The following AGPS variants were observed in gnomAD, a reference collection of about 807,000 sequenced individuals.
The protein encoded by AGPS is alkyldihydroxyacetonephosphate synthase, peroxisomal.
Under a neutral mutation model 90.7 loss-of-function variants are expected in AGPS, and 26 were observed. The observed-to-expected ratio is 0.29, with a 90% CI of 0.21 to 0.40. The LOEUF is 0.40. Ranked by LOEUF, AGPS falls within the 10% of genes least tolerant of loss-of-function variation. The pLI is 1.00. For missense variants in AGPS, 540 were observed against 816.1 expected (o/e 0.66, Z 4.12); for synonymous variants, 294 against 285.3 (o/e 1.03, Z -0.31).
At chr2:177,460,804 CTAAA>C (rs1409713680) in intron 8 of AGPS, among the ~76,000 whole-genome samples, 1 of 152,106 alleles carries the variant, frequency 6.6e-6, no homozygotes, top group Non-Finnish European at 1.5e-5. Context: ...TCTCTTAAAA[CTAAA>C]TAATATATTG....
At chr2:177,527,650 C>T (rs193201458) in intron 19 of AGPS, among the ~76,000 whole-genome samples, 11 of 152,144 alleles carry the variant, frequency 7.2e-5, no homozygotes, top group East Asian at 1.9e-4. Context: ...GAACAAATGG[C>T]GGTCATATCA....
At chr2:177,533,487 G>A (rs2079156020) in intron 19 of AGPS, among the ~76,000 whole-genome samples, 1 of 152,086 alleles carries the variant, frequency 6.6e-6, no homozygotes, top group Non-Finnish European at 1.5e-5. Flanking sequence ...TGTACCTTTA[G>A]TAGCTTCTAG....
intron 17 of AGPS, among the ~76,000 whole-genome samples, chr2:177,516,821 A>G (rs1689034745): frequency 6.6e-6 from 1 of 152,018 alleles, no homozygotes; most frequent in Admixed American, 6.6e-5. Flanking sequence ...ACTTTATTTG[A>G]ATTTGGTTAT....
intron 1 of AGPS, among the ~76,000 whole-genome samples, chr2:177,394,416 A>G (rs1416851574): frequency 6.6e-6 from 1 of 152,216 alleles, no homozygotes; most frequent in Non-Finnish European, 1.5e-5. Context: ...CTTGGCATAC[A>G]AACAGTATGT....
At chr2:177,505,442 G>T in intron 14 of AGPS, 64 bp from the exon 15 acceptor site, 1 of 1,373,878 alleles carries the variant, frequency 7.3e-7, no homozygotes, top group South Asian at 1.2e-5. Flanking sequence ...ACAGCTTTTT[G>T]ATACATTTAT....
chr2:177,516,067 C>T (rs913057109), intron 17 of AGPS, among the ~76,000 whole-genome samples: 5 of 152,192 alleles, frequency 3.3e-5, no homozygotes, highest in East Asian at 1.9e-4. Flanking sequence ...CTCAGCATCA[C>T]GCAATATTCC....
At chr2:177,472,406 T>C (rs1224763368) in intron 10 of AGPS, among the ~76,000 whole-genome samples, 3 of 152,156 alleles carry the variant, frequency 2.0e-5, no homozygotes, top group Non-Finnish European at 4.4e-5. Context: ...CAGCTCTTGT[T>C]TCATTTCTTG....
chr2:177,538,696 G>A lies in AGPS; in HGVS notation c.*501G>A, dbSNP rs1464230625. The A allele has an allele frequency of 6.3e-6, 1 of 159,466 alleles. No individual in the cohort carries two copies. Among genetic ancestry groups the A allele is most frequent in the East Asian group, 1.8e-4 (1 of 5,426 alleles). 9.9% of individuals were successfully genotyped at this position (159,466 alleles called of 1,614,324 possible). On this transcript the variant is annotated 3_prime_UTR_variant, in exon 20 of 20. Transcript: ENST00000264167. ...GGAAGGATATTCATGAAAGAATTTA[G>A]GCAACCTGTTATTTAGAAAGCCTTC...
chr2:177,510,472 T>C (rs1688838178), intron 16 of AGPS, among the ~76,000 whole-genome samples: 1 of 152,204 alleles, frequency 6.6e-6, no homozygotes, highest in African/African-American at 2.4e-5. Flanking sequence ...GACAGTGGAT[T>C]AGTGCAATGC....
At chr2:177,513,764 A>C in intron 16 of AGPS, 55 bp from the exon 17 acceptor site, 11 of 1,281,406 alleles carry the variant, frequency 8.6e-6, no homozygotes, top group African/African-American at 1.5e-5. Flanking sequence ...GTTTATTAGC[A>C]CTTGTGTAGT....
intron 9 of AGPS, among the ~76,000 whole-genome samples, chr2:177,462,607 C>T (rs1687331605): frequency 6.6e-6 from 1 of 151,914 alleles, no homozygotes. Flanking sequence ...ACGGTCAGCT[C>T]TCTATATCCA....
At chr2:177,404,181 GGAAATTA>G (rs1685404279) in intron 1 of AGPS, among the ~76,000 whole-genome samples, 1 of 152,126 alleles carries the variant, frequency 6.6e-6, no homozygotes, top group Admixed American at 6.5e-5. Flanking sequence ...TTAGATAAAA[GGAAATTA>G]GATGTTCTAG....
intron 8 of AGPS, among the ~76,000 whole-genome samples, chr2:177,453,612 C>T (rs1228432553): frequency 6.6e-6 from 1 of 151,720 alleles, no homozygotes; most frequent in Non-Finnish European, 1.5e-5. Flanking sequence ...TACATCAGCA[C>T]CATCTCCTAA....
intron 8 of AGPS, among the ~76,000 whole-genome samples, chr2:177,448,202 A>G (rs1686833214): frequency 6.6e-6 from 1 of 152,136 alleles, no homozygotes; most frequent in African/African-American, 2.4e-5. Context: ...ACCTTGGGCA[A>G]GTTACTCACC....
At chr2:177,443,075 T>C (rs1332670821) in intron 7 of AGPS, among the ~76,000 whole-genome samples, 1 of 152,168 alleles carries the variant, frequency 6.6e-6, no homozygotes, top group Non-Finnish European at 1.5e-5. Context: ...CTTTCTTTTT[T>C]TTCTAGTAGT....
rs2079236181 is a variant in AGPS, at chr2:177,541,632, G to A, written c.*3437G>A. ...TTAATCTTTATCAACTTTGATTTTAGTTAGGGCTTAGCTCATGGTTGAAGA... is the reference window on the plus strand; with the variant it reads ...TTAATCTTTATCAACTTTGATTTTAATTAGGGCTTAGCTCATGGTTGAAGA... On this transcript the variant is annotated 3_prime_UTR_variant, in exon 20 of 20. Transcript: ENST00000264167. The A allele has an allele frequency of 6.6e-6, 1 of 152,142 alleles. No individual in the cohort carries two copies. The highest frequency in any genetic ancestry group is 2.4e-5 in the African/African-American group (1 of 41,452). 9.4% of individuals were successfully genotyped at this position (152,142 alleles called of 1,614,324 possible).
At chr2:177,482,006 A>T (rs1574404196) in intron 10 of AGPS, 53 bp from the exon 11 acceptor site, 3 of 1,503,896 alleles carry the variant, frequency 2.0e-6, no homozygotes, top group Admixed American at 1.7e-5. Flanking sequence ...TTTAAATATG[A>T]TTTAGAAAAT....
chr2:177,408,070 C>G (rs999445498), intron 1 of AGPS, among the ~76,000 whole-genome samples: 7 of 152,152 alleles, frequency 4.6e-5, no homozygotes, highest in African/African-American at 1.7e-4. Context: ...GCACAAGCCA[C>G]TGTGCCTGGC....
chr2:177,480,067 T>C (rs1171536696), intron 10 of AGPS, among the ~76,000 whole-genome samples: 2 of 152,160 alleles, frequency 1.3e-5, no homozygotes, highest in East Asian at 3.9e-4. Flanking sequence ...GTAATCCAGC[T>C]ACTCAGGAGG....
Sources: gnomAD v4.1 joint callset for allele counts (sites outside exome capture counted in the v4.1 genomes callset) on GRCh38, gnomAD v4.1.1 for gene constraint, MANE v1.5 for transcripts, NCBI Gene and HGNC (gene_info 2026-07-23, HGNC 2026-07-21) for gene names.